The following RCOR1 variants were observed in gnomAD, a reference collection of about 807,000 sequenced individuals.
RCOR1 encodes REST corepressor.
In RCOR1, 12 loss-of-function variants were observed where a neutral mutation model predicts 64.0. The ratio of observed to expected loss-of-function variants is 0.19; its 90% CI spans 0.12 to 0.30. The LOEUF (loss-of-function observed/expected upper bound fraction) is 0.30. Among genes scored for constraint, RCOR1 ranks in the 10% least tolerant of loss-of-function variants. RCOR1 has a pLI of 1.00. For synonymous variants in RCOR1, 279 were observed against 227.2 expected (o/e 1.23, Z -2.05); for missense variants, 502 against 621.2 (o/e 0.81, Z 2.04).
intron 2 of RCOR1, chr14:102,656,093 C>T: frequency 1.0e-6 from 1 of 984,912 alleles, no homozygotes; most frequent in Non-Finnish European, 1.2e-6. Flanking sequence ...TGAGTGGAAA[C>T]AGATTCTTTT....
intron 2 of RCOR1, among the ~76,000 whole-genome samples, chr14:102,677,290 A>G (rs75327565): frequency 0.99 from 77,925 of 78,550 alleles, 38,685 homozygotes; most frequent in East Asian, 1. Flanking sequence ...CGGCCGGGCA[A>G]AGGAGCCCCT....
chr14:102,630,214 G>A (rs954465386), intron 2 of RCOR1: 1 of 154,212 alleles, frequency 6.5e-6, no homozygotes, highest in African/African-American at 2.4e-5. Flanking sequence ...TCCTACAAGA[G>A]CTGGTTGTTA....
intron 3 of RCOR1, among the ~76,000 whole-genome samples, chr14:102,694,601 T>C (rs888969757): frequency 6.6e-6 from 1 of 152,182 alleles, no homozygotes. Flanking sequence ...ATAAAGAACG[T>C]ACATTTTGTT....
At chr14:102,665,704 G>A (rs1472738796) in intron 2 of RCOR1, among the ~76,000 whole-genome samples, 10 of 152,188 alleles carry the variant, frequency 6.6e-5, no homozygotes, top group Admixed American at 6.5e-5. Context: ...TCCCAGATGG[G>A]AGTTCAGATG....
chr14:102,713,878 CA>C (rs1376612143), intron 7 of RCOR1, among the ~76,000 whole-genome samples: 3 of 152,142 alleles, frequency 2.0e-5, no homozygotes, highest in Non-Finnish European at 4.4e-5. Flanking sequence ...AAATGGTTAC[CA>C]GTAAGTTATA....
chr14:102,652,582 C>T (rs1157323011), intron 2 of RCOR1, among the ~76,000 whole-genome samples: 2 of 152,186 alleles, frequency 1.3e-5, no homozygotes, highest in Non-Finnish European at 2.9e-5. Flanking sequence ...CATCCACCCA[C>T]ATCTGTATTT....
intron 2 of RCOR1, among the ~76,000 whole-genome samples, chr14:102,607,711 A>G (rs930170486): frequency 1.3e-5 from 2 of 152,178 alleles, no homozygotes; most frequent in Non-Finnish European, 2.9e-5. Context: ...GTAAAACCCC[A>G]TATCTACTAA....
chr14:102,623,387 A>AT (rs1555462469), intron 2 of RCOR1, among the ~76,000 whole-genome samples: 1,837 of 124,824 alleles, frequency 0.015, 10 homozygotes, highest in African/African-American at 0.018. Context: ...TTATTTATTT[A>AT]TTATTTATTT....
At chr14:102,636,081 T>C (rs562405388) in intron 2 of RCOR1, among the ~76,000 whole-genome samples, 145 of 152,102 alleles carry the variant, frequency 9.5e-4, no homozygotes, top group Non-Finnish European at 1.5e-3. Context: ...TACAGGCACC[T>C]GCCACCACAC....
intron 10 of RCOR1, 98 bp downstream of exon 10, chr14:102,721,475 C>A: frequency 1.2e-6 from 1 of 832,520 alleles, no homozygotes; most frequent in South Asian, 1.6e-5. Context: ...TGCTTGAGCC[C>A]AGGAGCTCAA....
At chr14:102,669,321 AAAG>A (rs1188350857) in intron 2 of RCOR1, among the ~76,000 whole-genome samples, 1 of 151,932 alleles carries the variant, frequency 6.6e-6, no homozygotes, top group African/African-American at 2.4e-5. Context: ...AAAAAAAAAA[AAAG>A]AGAAAAGAAA....
intron 2 of RCOR1, among the ~76,000 whole-genome samples, chr14:102,613,928 T>G (rs1289104134): frequency 8.2e-5 from 12 of 146,754 alleles, no homozygotes; most frequent in African/African-American, 2.8e-4. Context: ...GTTTCGCTGT[T>G]GTTGCCCAGG....
At chr14:102,713,902 A>T (rs747691608) in intron 7 of RCOR1, among the ~76,000 whole-genome samples, 2 of 152,376 alleles carry the variant, frequency 1.3e-5, no homozygotes, top group Admixed American at 1.3e-4. Context: ...CTTTAACTTG[A>T]CAAGATTTTA....
chr14:102,651,006 A>G, intron 2 of RCOR1: 2 of 920,054 alleles, frequency 2.2e-6, no homozygotes, highest in Non-Finnish European at 2.6e-6. Flanking sequence ...TCTTAATGAG[A>G]ATGTTCTCAT....
intron 2 of RCOR1, among the ~76,000 whole-genome samples, chr14:102,637,959 A>T (rs1425862156): frequency 6.6e-6 from 1 of 152,176 alleles, no homozygotes; most frequent in African/African-American, 2.4e-5. Flanking sequence ...TTTCTTCTCC[A>T]GTGTTTGATT....
At chr14:102,668,648 C>T (rs929167798) in intron 2 of RCOR1, among the ~76,000 whole-genome samples, 3 of 152,068 alleles carry the variant, frequency 2.0e-5, no homozygotes, top group Non-Finnish European at 2.9e-5. Context: ...GGGGGCGGGG[C>T]GGTGCTAGTG....
chr14:102,722,429 C>T lies in RCOR1; in HGVS notation c.1419+13C>T, dbSNP rs1200745717. On this transcript the variant is annotated intron_variant, in intron 11 of 11. Transcript: ENST00000262241. ...AGAGGAAGACGAGGTAAATCTGAAA[C>T]AAAACAGTCACTTCTCTTGTCAGGT... 2 of 1,591,084 alleles carry T rather than the reference C, an allele frequency of 1.3e-6. No homozygotes were observed. Among genetic ancestry groups the T allele is most frequent in the East Asian group, 4.5e-5 (2 of 44,740 alleles).
chr14:102,657,898 C>G (rs1479575425), intron 2 of RCOR1: 2 of 984,084 alleles, frequency 2.0e-6, no homozygotes, highest in African/African-American at 3.5e-5. Context: ...AGGCCAGTTT[C>G]CCATTATATT....
In RCOR1 at chr14:102,727,498, A is replaced by G. The variant is rs1478296937; in HGVS notation, c.*992A>G. Reference sequence around the variant, plus strand: ...AGCTTGCTGCAGATTCTGACAGTGCAGATTTTAAATGTCAGGATATTAGAA... The same window carrying G: ...AGCTTGCTGCAGATTCTGACAGTGCGGATTTTAAATGTCAGGATATTAGAA... On this transcript the variant is annotated 3_prime_UTR_variant, in exon 12 of 12. Transcript: ENST00000262241. The G allele has an allele frequency of 6.6e-6, 1 of 152,426 alleles. No homozygotes were observed. The highest frequency in any genetic ancestry group is 1.5e-5 in the Non-Finnish European group (1 of 68,024). The allele number at this position is 152,426 out of a possible 1,614,324, so 9.4% of individuals were successfully genotyped here. A position where few individuals can be genotyped will look rare whatever the true frequency, so the allele number is the denominator to read the frequency against.
Sources: gnomAD v4.1 joint callset for allele counts (sites outside exome capture counted in the v4.1 genomes callset) on GRCh38, gnomAD v4.1.1 for gene constraint, MANE v1.5 for transcripts, NCBI Gene and HGNC (gene_info 2026-07-23, HGNC 2026-07-21) for gene names.